MAPK10: variants seen among roughly 807,000 people sequenced by gnomAD.
The protein encoded by MAPK10 is mitogen-activated protein kinase 10.
Under a neutral mutation model 59.3 loss-of-function variants are expected in MAPK10, and 25 were observed. The observed-to-expected ratio is 0.42, with a 90% CI of 0.31 to 0.59. MAPK10 has a LOEUF of 0.59. Among genes scored for constraint, MAPK10 ranks in the 20% least tolerant of loss-of-function variants. The pLI, the probability that MAPK10 is intolerant of heterozygous loss-of-function variation, is 0.15. For missense variants in MAPK10, 351 were observed against 568.9 expected, an observed-to-expected ratio of 0.62 and a Z score of 3.90; for synonymous variants, 190 against 200.5, an observed-to-expected ratio of 0.95 and a Z score of 0.44.
chr4:86,490,494 T>C (rs1035836844), intron 1 of MAPK10, among the ~76,000 whole-genome samples: 6 of 152,206 alleles, frequency 3.9e-5, no homozygotes, highest in African/African-American at 1.4e-4. Flanking sequence ...AGATGGCCCA[T>C]CCATGCAATA....
chr4:86,323,468 G>T (rs2148897279), intron 2 of MAPK10, among the ~76,000 whole-genome samples: 1 of 152,272 alleles, frequency 6.6e-6, no homozygotes, highest in South Asian at 2.1e-4. Context: ...ACCAAATCAT[G>T]TTGAGCATCT....
intron 2 of MAPK10, chr4:86,327,401 C>G (rs2096052558): frequency 6.6e-6 from 1 of 151,938 alleles, no homozygotes; most frequent in East Asian, 1.9e-4. Flanking sequence ...AAAAAATTAT[C>G]TCACTTTTAT....
chr4:86,434,760 A>C (rs1748488304), intron 1 of MAPK10, among the ~76,000 whole-genome samples: 1 of 152,352 alleles, frequency 6.6e-6, no homozygotes, highest in Non-Finnish European at 1.5e-5. Context: ...CAAAAAATAG[A>C]ACTACCATAT....
chr4:86,328,408 G>C (rs917864789), intron 2 of MAPK10, among the ~76,000 whole-genome samples: 1 of 152,328 alleles, frequency 6.6e-6, no homozygotes, highest in African/African-American at 2.4e-5. Context: ...TCGTGGGAAT[G>C]TAAATTAGTT....
rs550521149 is a variant in MAPK10 at position 86,239,353 on chromosome 4, T to C, written c.-6-44946A>G. Among the ~76,000 whole-genome samples the C allele has an allele frequency of 3.9e-5, 6 of 152,338 alleles. No individual in the cohort carries two copies. In the South Asian group the frequency reaches 8.3e-4, roughly 21 times the overall value. On this transcript the variant is annotated intron_variant, in intron 2 of 13. Coordinates refer to ENST00000641462, the MANE Select transcript of MAPK10 (RefSeq NM_138982.4). ...ACAGGTTTTGGTATCAGGATGATTC[T>C]GGCTTCATAAAATGAGTTAGGGAAG...
chr4:86,305,737 T>C (rs1033505563), intron 2 of MAPK10, among the ~76,000 whole-genome samples: 5 of 151,136 alleles, frequency 3.3e-5, no homozygotes, highest in African/African-American at 1.2e-4. Flanking sequence ...GAGAATCACT[T>C]GAACCCGGGA....
chr4:86,366,933 A>T (rs1489097760), intron 1 of MAPK10, among the ~76,000 whole-genome samples: 1 of 152,118 alleles, frequency 6.6e-6, no homozygotes, highest in East Asian at 1.9e-4. Flanking sequence ...TCTAACACTT[A>T]AAGTCCTACA....
intron 11 of MAPK10, among the ~76,000 whole-genome samples, chr4:86,045,100 C>T (rs929809967): frequency 2.0e-5 from 3 of 152,072 alleles, no homozygotes; most frequent in East Asian, 1.9e-4. Context: ...AGCTTAATTA[C>T]ATAATGCTCC....
At chr4:86,373,848 G>A (rs987951479) in intron 1 of MAPK10, among the ~76,000 whole-genome samples, 6 of 152,150 alleles carry the variant, frequency 3.9e-5, no homozygotes, top group South Asian at 2.1e-4. Context: ...ACAGTGTGGC[G>A]ATTCCTCAAG....
rs753508493 is a variant in MAPK10 at position 86,550,374 on chromosome 4, T to TAAAAAAAAAAAAAAAA, written c.-263+43520_-263+43535dup. ...CAGAAGGGCTAAGCAGAGCTTCAGT[T>TAAAAAAAAAAAAAAAA]AAAAAAAAAAAAAAAAAAAAAAAAA... On this transcript the variant is annotated intron_variant, in intron 1 of 4. Transcript: ENST00000502302. 1.2e-4 allele frequency among the ~76,000 whole-genome samples: 9 copies of TAAAAAAAAAAAAAAAA among 77,394 alleles called. 1 individual carries two copies. Among genetic ancestry groups the TAAAAAAAAAAAAAAAA allele is most frequent in the Non-Finnish European group, 1.8e-4 (8 of 43,324 alleles). 50.8% of individuals were successfully genotyped at this position (77,394 alleles called of 152,430 possible).
intron 1 of MAPK10, among the ~76,000 whole-genome samples, chr4:86,428,403 C>G (rs1406749067): frequency 2.6e-5 from 4 of 152,184 alleles, no homozygotes; most frequent in Admixed American, 2.6e-4. Context: ...AAACAATCCT[C>G]CCACTTTGGC....
At chr4:86,341,246 C>G (rs577505278) in intron 2 of MAPK10, among the ~76,000 whole-genome samples, 1 of 152,170 alleles carries the variant, frequency 6.6e-6, no homozygotes, top group East Asian at 1.9e-4. Flanking sequence ...ATTAGAAAGA[C>G]GAGCTTTGGT....
At chr4:86,493,511 TG>T (rs1754640461) in intron 1 of MAPK10, among the ~76,000 whole-genome samples, 1 of 152,222 alleles carries the variant, frequency 6.6e-6, no homozygotes, top group Admixed American at 6.5e-5. Flanking sequence ...TACTTTGTCC[TG>T]GATTCTAGAA....
intron 1 of MAPK10, among the ~76,000 whole-genome samples, chr4:86,366,411 C>T (rs1053683204): frequency 2.0e-5 from 3 of 152,032 alleles, no homozygotes; most frequent in African/African-American, 7.2e-5. Context: ...AATTAAACTG[C>T]CATAAAAAAT....
chr4:86,045,469 ATC>A (rs1318359669), intron 11 of MAPK10, among the ~76,000 whole-genome samples: 1 of 152,062 alleles, frequency 6.6e-6, no homozygotes, highest in African/African-American at 2.4e-5. Flanking sequence ...GCTTCTAAAC[ATC>A]TCTTGAATAT....
intron 2 of MAPK10, among the ~76,000 whole-genome samples, chr4:86,334,389 C>T (rs2096224223): frequency 6.6e-6 from 1 of 152,148 alleles, no homozygotes; most frequent in Non-Finnish European, 1.5e-5. Flanking sequence ...CTTATCCTTC[C>T]CTAAACATTT....
At chr4:86,482,983 G>T (rs1482070974) in intron 1 of MAPK10, among the ~76,000 whole-genome samples, 1 of 152,148 alleles carries the variant, frequency 6.6e-6, no homozygotes, top group East Asian at 1.9e-4. Context: ...GAGAGAGAAA[G>T]AATTGCAGCT....
chr4:86,468,544 GATGAT>G (rs1752400788), intron 1 of MAPK10, among the ~76,000 whole-genome samples: 1 of 152,110 alleles, frequency 6.6e-6, no homozygotes, highest in South Asian at 2.1e-4. Flanking sequence ...AAAATGTCCT[GATGAT>G]ATAAGTGTGA....
At chr4:86,021,199 C>T (rs1285411982) in intron 13 of MAPK10, among the ~76,000 whole-genome samples, 3 of 151,870 alleles carry the variant, frequency 2.0e-5, no homozygotes, top group African/African-American at 4.8e-5. Context: ...GGTGTGTTTA[C>T]AAACCTTGAG....
Sources: allele counts gnomAD v4.1 joint callset (sites outside exome capture counted in the v4.1 genomes callset), GRCh38; gene constraint gnomAD v4.1.1; transcripts MANE v1.5; gene names NCBI Gene and HGNC (gene_info 2026-07-23, HGNC 2026-07-21).